ANKS3: variants seen among roughly 807,000 people sequenced by gnomAD.
The protein encoded by ANKS3 is ankyrin repeat and SAM domain-containing protein 3.
ANKS3 carries 62 observed loss-of-function variants against 80.7 expected under a neutral mutation model. That is an observed-to-expected ratio of 0.77 (90% CI 0.63 to 0.95). ANKS3 has a LOEUF of 0.95. ANKS3 is among the 40% of genes least tolerant of loss of function. The pLI, the probability that ANKS3 is intolerant of heterozygous loss-of-function variation, is 0.00. For synonymous variants in ANKS3, 489 were observed against 355.3 expected, an observed-to-expected ratio of 1.38 and a Z score of -4.23; for missense variants, 1,150 against 883.6, an observed-to-expected ratio of 1.30 and a Z score of -3.82.
In ANKS3 at chr16:4,698,447, G is replaced by A. The variant is rs2079701519; in HGVS notation, c.1704C>T (p.Ala568=). 6.5e-7 allele frequency: 1 copy of A among 1,536,970 alleles called. No homozygotes were observed. The highest frequency in any genetic ancestry group is 8.7e-7 in the Non-Finnish European group (1 of 1,148,136). ...RETWALARDA[A]LVLDQLRACQ... The stretch of plus-strand genomic sequence containing the variant: ...CTCACCGCAGCTGGTCCAGGACGAG[G>A]GCAGCATCCCGGGCCAGGGCCCACG... The change falls in exon 14 of 18, where the codon GCC becomes GCT. Residue 568 remains alanine (A), a synonymous_variant. Transcript: ENST00000304283.
chr16:4,712,945 G>T (rs575873799), intron 7 of ANKS3, among the ~76,000 whole-genome samples: 2 of 152,214 alleles, frequency 1.3e-5, no homozygotes, highest in South Asian at 4.1e-4. Flanking sequence ...CCTGAACAAT[G>T]TAAGAATTCT....
chr16:4,721,613 T>TATTG (rs1253313151), intron 6 of ANKS3, among the ~76,000 whole-genome samples: 7 of 86,728 alleles, frequency 8.1e-5, no homozygotes, highest in African/African-American at 1.5e-4. Flanking sequence ...CCCATCTCTT[T>TATTG]ATTGATTTAT....
chr16:4,714,005 A>C (rs1279187900), intron 7 of ANKS3, 46 bp downstream of exon 7: 1 of 1,603,014 alleles, frequency 6.2e-7, no homozygotes, highest in Non-Finnish European at 8.5e-7. Flanking sequence ...CTAAAGCTCA[A>C]GGCAACCAGA....
Position 4,697,977 on chromosome 16 carries a change from C to G in ANKS3, c.1810G>C (p.Asp604His). ...TGCGGAGTCAGGCCACTGCTCTTAC[C>G]AGCTGGGGGGACGGCTAGGCCCAGA... ...ATLGLAVPPA[D>H]SKGWQASLQA... Residue 604 changes from aspartate to histidine, a missense_variant and splice_region_variant, in exon 15 of 18, where the codon GAC (aspartate) becomes CAC (histidine). Coordinates refer to ENST00000304283, the MANE Select transcript of ANKS3 (RefSeq NM_133450.4). 6.3e-7 allele frequency: 1 copy of G among 1,587,940 alleles called. No homozygotes were observed. Among genetic ancestry groups the G allele is most frequent in the Non-Finnish European group, 8.6e-7 (1 of 1,168,324 alleles).
At position 4,731,661 on chromosome 16, in the gene ANKS3, GA is replaced by G. The variant is rs370478311; in HGVS notation, c.-70-83del. On this transcript the variant is annotated intron_variant, in intron 1 of 17. Transcript: ENST00000304283. ...CAAAAAAGTAAAAATAAATTTTTCT[GA>G]AAAAAATAGAAAGCAATTCCCCAAC... 4.9e-5 allele frequency: 38 copies of G among 770,966 alleles called. No individual in the cohort carries two copies. The East Asian group carries it at 1.4e-3, about 28-fold the overall frequency. The allele number at this position is 770,966 out of a possible 1,614,324, so 47.8% of individuals were successfully genotyped here.
rs1046704230 is a variant in ANKS3 at position 4,711,726 on chromosome 16, A to C, written c.709+2325T>G. On this transcript the variant is annotated intron_variant, in intron 7 of 17. Coordinates refer to ENST00000304283, the MANE Select transcript of ANKS3 (RefSeq NM_133450.4). ...AGAGTGAAACTCTGTCTCAAAAAAA[A>C]AAAAAAAAAAAGGGAGAAAATATTA... Among the ~76,000 whole-genome samples the C allele has an allele frequency of 8.3e-3, 1,221 of 147,926 alleles. 9 individuals carry two copies. Among genetic ancestry groups the C allele is most frequent in the Non-Finnish European group, 0.011 (743 of 66,988 alleles).
rs148060970 is a variant in ANKS3, at chr16:4,714,161, T to A, written c.599A>T (p.His200Leu). 39 of 1,613,984 alleles carry A rather than the reference T, an allele frequency of 2.4e-5. No homozygotes were observed. In the East Asian group the frequency reaches 5.6e-4, roughly 23 times the overall value. ...NHGVKVDARD[H>L]SGATARMLAK... Reference sequence around the variant, plus strand: ...CAGCATCCGGGCTGTGGCTCCACTGTGGTCTCTCGCGTCCACCTTGACTCC... The same window carrying A: ...CAGCATCCGGGCTGTGGCTCCACTGAGGTCTCTCGCGTCCACCTTGACTCC... Residue 200 changes from histidine (H) to leucine (L), a missense_variant, in exon 7 of 18, where the codon CAC becomes CTC. Physicochemically the swap from His to Leu is moderately conservative, Grantham distance 99. Coordinates refer to ENST00000304283, the MANE Select transcript of ANKS3 (RefSeq NM_133450.4).
At chr16:4,697,615 C>A (rs759160222) in intron 15 of ANKS3, among the ~76,000 whole-genome samples, 199 bp from the exon 16 acceptor site, 1 of 152,208 alleles carries the variant, frequency 6.6e-6, no homozygotes, top group Non-Finnish European at 1.5e-5. Flanking sequence ...GCAAACACTA[C>A]GAGGCCCGGG....
chr16:4,701,651 G>C (rs985096906), intron 9 of ANKS3, 108 bp from the exon 10 acceptor site: 61 of 927,508 alleles, frequency 6.6e-5, no homozygotes, highest in Middle Eastern at 4.4e-4. Flanking sequence ...GGGGCCTGCA[G>C]CGGTTGCTTC....
Position 4,733,960 on chromosome 16 carries a change from C to A in ANKS3, c.-93G>T. On this transcript the variant is annotated 5_prime_UTR_variant, in exon 1 of 18. Transcript: ENST00000304283. The stretch of plus-strand genomic sequence containing the variant: ...CACAGCAGTGACGCTTCCCGACGCC[C>A]CCCGGCCACATCCCCACAGGAACGC... 1.0e-6 allele frequency: 1 copy of A among 985,550 alleles called. No individual in the cohort carries two copies. Among genetic ancestry groups the A allele is most frequent in the Non-Finnish European group, 1.2e-6 (1 of 830,000 alleles). 61.1% of individuals were successfully genotyped at this position (985,550 alleles called of 1,614,324 possible). A position where few individuals can be genotyped will look rare whatever the true frequency, so the allele number is the denominator to read the frequency against.
At chr16:4,706,048 G>A (rs1462485945) in intron 7 of ANKS3, among the ~76,000 whole-genome samples, 4 of 151,722 alleles carry the variant, frequency 2.6e-5, no homozygotes, top group African/African-American at 9.7e-5. Context: ...ATAGGCAGAT[G>A]CCACCATACC....
chr16:4,728,826 C>T (rs1368171782), intron 3 of ANKS3, among the ~76,000 whole-genome samples: 1 of 152,202 alleles, frequency 6.6e-6, no homozygotes, highest in Non-Finnish European at 1.5e-5. Context: ...ACTGCATACC[C>T]AGCTGCCTAT....
In ANKS3 at chr16:4,701,964, C is replaced by T. The variant is rs997414178; in HGVS notation, c.1009+138G>A. 96 of 1,095,686 alleles carry T rather than the reference C, an allele frequency of 8.8e-5. No individual in the cohort carries two copies. In the Admixed American group the frequency reaches 2.2e-3, roughly 25 times the overall value. 67.9% of individuals were successfully genotyped at this position (1,095,686 alleles called of 1,614,324 possible). On this transcript the variant is annotated intron_variant, in intron 9 of 17. Transcript: ENST00000304283. ...CTCCCATTCCTCACAAGAACCAGGG[C>T]CGTCCACACCTACCCCTTTCCTGTC...
intron 7 of ANKS3, among the ~76,000 whole-genome samples, chr16:4,706,713 C>T (rs543896395): frequency 1.3e-5 from 2 of 152,122 alleles, no homozygotes; most frequent in Admixed American, 6.6e-5. Context: ...TTAAGAGATA[C>T]GTGAGTTGTA....
intron 7 of ANKS3, among the ~76,000 whole-genome samples, chr16:4,708,114 GAA>G (rs758500621): frequency 8.1e-5 from 9 of 111,756 alleles, no homozygotes; most frequent in African/African-American, 2.6e-4. Flanking sequence ...GACTACATCT[GAA>G]AAAAATATAT....
At chr16:4,701,161 G>C in intron 10 of ANKS3, 27 bp from the exon 11 acceptor site, 1 of 1,613,170 alleles carries the variant, frequency 6.2e-7, no homozygotes, top group Non-Finnish European at 8.5e-7. Flanking sequence ...GCATCTGAAA[G>C]AGTGCGCGGG....
In ANKS3 at chr16:4,699,164, G is replaced by C; in HGVS notation, c.1297C>G (p.Leu433Val). The C allele has an allele frequency of 3.1e-6, 5 of 1,614,074 alleles. No individual in the cohort carries two copies. The highest frequency in any genetic ancestry group is 4.2e-6 in the Non-Finnish European group (5 of 1,180,008). ...TTCAGACACCCGATCTGCTCCAGCA[G>C]TGCGGCAAGGTCCTGGCAGGCACAG... ...PYSGPQDLAA[L>V]LEQIGCLKYL... The change falls in exon 12 of 18, where the codon CTG (leucine) becomes GTG (valine). Residue 433 changes from leucine to valine, a missense_variant. Leu to Val is a conservative substitution (Grantham distance 32, BLOSUM62 1). Transcript: ENST00000304283.
chr16:4,698,240 C>G, intron 14 of ANKS3, 178 bp from the exon 15 acceptor site: 2 of 1,135,778 alleles, frequency 1.8e-6, no homozygotes, highest in Non-Finnish European at 2.4e-6. Flanking sequence ...GGTGCAGATT[C>G]CCGGACCCAA....
In ANKS3 at chr16:4,714,032, G is replaced by A. The variant is rs367808802; in HGVS notation, c.709+19C>T. The A allele has an allele frequency of 2.4e-5, 39 of 1,613,406 alleles. No homozygotes were observed. Among genetic ancestry groups the A allele is most frequent in the South Asian group, 1.9e-4 (17 of 90,994 alleles). On this transcript the variant is annotated intron_variant, in intron 7 of 17. Transcript: ENST00000304283. The stretch of plus-strand genomic sequence containing the variant: ...GCAACCAGAGACCCCAGCAGGGCGC[G>A]GCTGGCAGGTGTGGGTACCTGGGCT...
Sources: allele counts gnomAD v4.1 joint callset (sites outside exome capture counted in the v4.1 genomes callset), GRCh38; gene constraint gnomAD v4.1.1; transcripts MANE v1.5; gene names NCBI Gene and HGNC (gene_info 2026-07-23, HGNC 2026-07-21).